PDE9A: variants seen among roughly 807,000 people sequenced by gnomAD.
The protein encoded by PDE9A is phosphodiesterase 9A.
PDE9A carries 60 observed loss-of-function variants against 87.4 expected under a neutral mutation model. The ratio of observed to expected loss-of-function variants is 0.69; its 90% CI spans 0.56 to 0.85. The LOEUF (loss-of-function observed/expected upper bound fraction) is 0.85. PDE9A is among the 40% of genes least tolerant of loss of function. The pLI, the probability that PDE9A is intolerant of heterozygous loss-of-function variation, is 0.00. For synonymous variants in PDE9A, 272 were observed against 279.4 expected, an observed-to-expected ratio of 0.97 and a Z score of 0.27; for missense variants, 665 against 779.0, an observed-to-expected ratio of 0.85 and a Z score of 1.74.
intron 4 of PDE9A, among the ~76,000 whole-genome samples, chr21:42,724,013 C>T (rs576896179): frequency 6.6e-6 from 1 of 152,154 alleles, no homozygotes; most frequent in Non-Finnish European, 1.5e-5. Flanking sequence ...GATTTTGCCA[C>T]GAAGGTTGGG....
chr21:42,753,289 A>T (rs1391732649), intron 9 of PDE9A, among the ~76,000 whole-genome samples: 1 of 152,160 alleles, frequency 6.6e-6, no homozygotes, highest in Non-Finnish European at 1.5e-5. Context: ...TACAAGCATG[A>T]GCCACCATGC....
chr21:42,686,435 C>T (rs769195198), intron 2 of PDE9A, among the ~76,000 whole-genome samples, 173 bp downstream of exon 2: 1 of 152,250 alleles, frequency 6.6e-6, no homozygotes, highest in Non-Finnish European at 1.5e-5. Flanking sequence ...AGCCGCCCTC[C>T]GGGCCTCTCT....
chr21:42,736,079 TCTC>T (rs756084449), intron 7 of PDE9A, among the ~76,000 whole-genome samples: 6 of 151,642 alleles, frequency 4.0e-5, no homozygotes, highest in Admixed American at 2.0e-4. Flanking sequence ...GCCTCCCACC[TCTC>T]CTCCTCTCTC....
intron 14 of PDE9A, 69 bp downstream of exon 14, chr21:42,762,308 A>T: frequency 6.6e-7 from 1 of 1,514,354 alleles, no homozygotes; most frequent in Non-Finnish European, 9.0e-7. Context: ...CCCACTCTCC[A>T]TTGGCTGGAA....
In PDE9A at chr21:42,731,930, A is replaced by G; in HGVS notation, c.423A>G (p.Glu141=). The G allele has an allele frequency of 6.2e-7, 1 of 1,613,878 alleles. No homozygotes were observed. The highest frequency in any genetic ancestry group is 8.5e-7 in the Non-Finnish European group (1 of 1,179,824). Reference sequence around the variant, plus strand: ...GAGAGCCCCAGGGCTGCTACCAGGAAGGCCAGCGCATCCCTCCAGGTAACG... The same window carrying G: ...GAGAGCCCCAGGGCTGCTACCAGGAGGGCCAGCGCATCCCTCCAGGTAACG... ...RPREPQGCYQ[E]GQRIPPEREE... Residue 141 remains glutamate (E), a synonymous_variant, in exon 5 of 20, where the codon GAA becomes GAG. Coordinates refer to ENST00000291539, the MANE Select transcript of PDE9A (RefSeq NM_002606.3).
At chr21:42,703,055 T>C (rs2048503904) in intron 4 of PDE9A, among the ~76,000 whole-genome samples, 1 of 152,094 alleles carries the variant, frequency 6.6e-6, no homozygotes, top group South Asian at 2.1e-4. Context: ...GTGGGGGCCA[T>C]GGAGGTGATG....
intron 1 of PDE9A, among the ~76,000 whole-genome samples, chr21:42,670,243 A>G (rs1324394693): frequency 7.4e-5 from 9 of 121,278 alleles, no homozygotes; most frequent in African/African-American, 3.7e-4. Context: ...ATTCACACTC[A>G]TACACATACA....
At chr21:42,768,707 C>T in intron 16 of PDE9A, 1 of 985,428 alleles carries the variant, frequency 1.0e-6, no homozygotes, top group Non-Finnish European at 1.2e-6. Context: ...AAAACAACCA[C>T]CAAATATTAA....
At chr21:42,734,959 A>C (rs1421839067) in intron 7 of PDE9A, among the ~76,000 whole-genome samples, 1 of 152,234 alleles carries the variant, frequency 6.6e-6, no homozygotes, top group Non-Finnish European at 1.5e-5. Flanking sequence ...GAAGAGGACC[A>C]GGCACTCCAT....
intron 8 of PDE9A, among the ~76,000 whole-genome samples, chr21:42,748,968 C>T (rs911822054): frequency 6.6e-6 from 1 of 152,172 alleles, no homozygotes; most frequent in Non-Finnish European, 1.5e-5. Flanking sequence ...CGTGATGATC[C>T]TCCTAATGGC....
intron 1 of PDE9A, among the ~76,000 whole-genome samples, chr21:42,669,912 A>G (rs1286944410): frequency 6.6e-6 from 1 of 152,170 alleles, no homozygotes; most frequent in Non-Finnish European, 1.5e-5. Context: ...CGTGCCTTCT[A>G]GAGAGAGGCC....
rs184271355 is a variant in PDE9A at position 42,699,406 on chromosome 21, G to A, written c.262+395G>A. Among the ~76,000 whole-genome samples, 72 of 152,344 alleles carry A rather than the reference G, an allele frequency of 4.7e-4. 1 individual carries two copies. The East Asian group carries it at 0.013, about 27-fold the overall frequency. On this transcript the variant is annotated intron_variant, in intron 4 of 19. Coordinates refer to ENST00000291539, the MANE Select transcript of PDE9A (RefSeq NM_002606.3). The stretch of plus-strand genomic sequence containing the variant: ...CATCCCAAGGACTTTGCAGTTGCAG[G>A]GCGGCATCCACTCTGGTCTTCCTGG...
rs749337055 is a variant in PDE9A at position 42,765,607 on chromosome 21, C to A, written c.1356+113C>A. 4 of 720,380 alleles carry A rather than the reference C, an allele frequency of 5.6e-6. No individual in the cohort carries two copies. In the African/African-American group the frequency reaches 7.0e-5, roughly 13 times the overall value. The allele number at this position is 720,380 out of a possible 1,614,324, so 44.6% of individuals were successfully genotyped here. Reference sequence around the variant, plus strand: ...GCTGAAATTATTAGTCTTCTTGGAACAAGGTGTCTATAAATCTGGTTTTCA... The same window carrying A: ...GCTGAAATTATTAGTCTTCTTGGAAAAAGGTGTCTATAAATCTGGTTTTCA... On this transcript the variant is annotated intron_variant, in intron 15 of 19. Coordinates refer to ENST00000291539, the MANE Select transcript of PDE9A (RefSeq NM_002606.3).
intron 19 of PDE9A, 105 bp from the exon 20 acceptor site, chr21:42,775,175 C>T (rs910328489): frequency 1.3e-5 from 14 of 1,054,130 alleles, no homozygotes; most frequent in African/African-American, 8.0e-5. Flanking sequence ...CTCCTGACCT[C>T]GTGATCCACC....
chr21:42,765,418 G>A lies in PDE9A; in HGVS notation c.1280G>A (p.Arg427Lys). The A allele has an allele frequency of 6.2e-7, 1 of 1,612,400 alleles. No individual in the cohort carries two copies. The change falls in exon 15 of 20, where the codon AGA (arginine) becomes AAA (lysine). Residue 427 changes from arginine (R) to lysine (K), a missense_variant. Coordinates refer to ENST00000291539, the MANE Select transcript of PDE9A (RefSeq NM_002606.3). Reference sequence around the variant, plus strand: ...TTAATCTTGGCCACTGACATGGCAAGACATGCAGAAATTATGGATTCTTTC... The same window carrying A: ...TTAATCTTGGCCACTGACATGGCAAAACATGCAGAAATTATGGATTCTTTC... The part of the protein sequence containing the change: ...ITLILATDMA[R>K]HAEIMDSFKE...
At chr21:42,718,990 T>C (rs1397829285) in intron 4 of PDE9A, among the ~76,000 whole-genome samples, 1 of 151,748 alleles carries the variant, frequency 6.6e-6, no homozygotes, top group Non-Finnish European at 1.5e-5. Context: ...TTGGGGTAGA[T>C]CTCTAGACTG....
At chr21:42,769,264 C>G (rs1445230338) in intron 17 of PDE9A, 109 bp downstream of exon 17, 1 of 1,016,474 alleles carries the variant, frequency 9.8e-7, no homozygotes, top group African/African-American at 1.6e-5. Flanking sequence ...CAGACACACA[C>G]TCATGCACAC....
At chr21:42,654,727 G>C (rs768497411) in intron 1 of PDE9A, among the ~76,000 whole-genome samples, 1 of 152,190 alleles carries the variant, frequency 6.6e-6, no homozygotes, top group East Asian at 1.9e-4. Context: ...AGCAGGTGCC[G>C]GCCAGGCTTG....
rs78220874 is a variant in PDE9A at position 42,718,680 on chromosome 21, G to C, written c.263-13090G>C. Among the ~76,000 whole-genome samples the C allele has an allele frequency of 5.9e-5, 9 of 151,544 alleles. No homozygotes were observed. In the East Asian group the frequency reaches 1.7e-3, roughly 29 times the overall value. On this transcript the variant is annotated intron_variant, in intron 4 of 19. Coordinates refer to ENST00000291539, the MANE Select transcript of PDE9A (RefSeq NM_002606.3). ...CCTCTGTTTACGATTTACTGACGCC[G>C]CTTTTGTTTCGGTGTTTGCACGTAC...
Sources: allele counts gnomAD v4.1 joint callset (sites outside exome capture counted in the v4.1 genomes callset), GRCh38; gene constraint gnomAD v4.1.1; transcripts MANE v1.5; gene names NCBI Gene and HGNC (gene_info 2026-07-23, HGNC 2026-07-21).